Variants in JAKMIP1 observed in about 807,000 individuals in gnomAD.
The protein encoded by JAKMIP1 is janus kinase and microtubule-interacting protein 1.
Under a neutral mutation model 113.0 loss-of-function variants are expected in JAKMIP1, and 33 were observed. That is an observed-to-expected ratio of 0.29 (90% CI 0.22 to 0.39). The LOEUF (loss-of-function observed/expected upper bound fraction) is 0.39. Among genes scored for constraint, JAKMIP1 ranks in the 10% least tolerant of loss-of-function variants. The pLI, the probability that JAKMIP1 is intolerant of heterozygous loss-of-function variation, is 1.00. For synonymous variants in JAKMIP1, 480 were observed against 459.9 expected (o/e 1.04, Z -0.56); for missense variants, 813 against 1,080.5 (o/e 0.75, Z 3.47).
chr4:6,107,554 T>C (rs1384344145), intron 2 of JAKMIP1, among the ~76,000 whole-genome samples: 6 of 152,090 alleles, frequency 3.9e-5, no homozygotes, highest in East Asian at 1.9e-4. Flanking sequence ...ATCCAATCAG[T>C]CGAAGGCTTT....
At chr4:6,104,255 T>C (rs959047183) in intron 3 of JAKMIP1, among the ~76,000 whole-genome samples, 10 of 152,236 alleles carry the variant, frequency 6.6e-5, no homozygotes, top group African/African-American at 2.4e-4. Flanking sequence ...TTATTCATTC[T>C]TTGTCTGTGT....
chr4:6,102,895 C>CTG (rs1713306596), intron 3 of JAKMIP1, among the ~76,000 whole-genome samples: 2 of 151,586 alleles, frequency 1.3e-5, no homozygotes, highest in African/African-American at 4.8e-5. Context: ...CACTGCACCC[C>CTG]GCTAATTTTT....
chr4:6,081,778 A>G lies in JAKMIP1; in HGVS notation c.955-23T>C. The G allele has an allele frequency of 6.2e-7, 1 of 1,613,970 alleles. No individual in the cohort carries two copies. Among genetic ancestry groups the G allele is most frequent in the East Asian group, 2.2e-5 (1 of 44,882 alleles). ...CAGCTGTGGTTGGAAACAGACACAGAGGCTCAGACAACTTGACGACGGACG... is the reference window on the plus strand; with the variant it reads ...CAGCTGTGGTTGGAAACAGACACAGGGGCTCAGACAACTTGACGACGGACG... On this transcript the variant is annotated intron_variant, in intron 5 of 20. Transcript: ENST00000409021. This position sits in a 1 kb window ranked among gnomAD's most constrained non-coding sequence, Gnocchi z 4.6.
At chr4:6,125,576 C>T (rs1410062638) in intron 1 of JAKMIP1, among the ~76,000 whole-genome samples, 1 of 151,344 alleles carries the variant, frequency 6.6e-6, no homozygotes, top group African/African-American at 2.4e-5. Flanking sequence ...AACACACACA[C>T]ACACCATACA....
chr4:6,036,004 G>A lies in JAKMIP1; in HGVS notation c.2279C>T (p.Ala760Val), dbSNP rs1474244917. 6.4e-7 allele frequency: 1 copy of A among 1,551,980 alleles called. No homozygotes were observed. The highest frequency in any genetic ancestry group is 2.0e-5 in the Admixed American group (1 of 51,056). Residue 760 changes from alanine to valine, a missense_variant, in exon 19 of 21, where the codon GCT (alanine) becomes GTT (valine). Ala to Val is a moderately conservative substitution (Grantham distance 64). This residue lies in a region of JAKMIP1 where 273 missense variants were observed against 426.6 expected (regional missense o/e 0.64). Coordinates refer to ENST00000409021, the MANE Select transcript of JAKMIP1 (RefSeq NM_001099433.2). ...LSEGQREDLQ[A>V]AVEKVRRQIL... ...CTGCCTGCGCACCTTTTCCACAGCA[G>A]CCTGCAGGTCCTCCCGCTGGCCCTC...
intron 3 of JAKMIP1, among the ~76,000 whole-genome samples, chr4:6,101,991 T>C (rs1459136098): frequency 3.9e-5 from 6 of 151,976 alleles, no homozygotes; most frequent in Admixed American, 3.3e-4. Flanking sequence ...CTGATATCTA[T>C]ACTAAGTCTT....
rs1164027215 is a variant in JAKMIP1 at position 6,078,683 on chromosome 4, A to C, written c.1302+256T>G. Among the ~76,000 whole-genome samples the C allele has an allele frequency of 2.6e-5, 4 of 152,166 alleles. No individual in the cohort carries two copies. In the South Asian group the frequency reaches 8.3e-4, roughly 32 times the overall value. ...TATTTATGTTTTTAATTTTGGGTGAATATACCCTGAAGCCTAAGTGGAGAA... is the reference window on the plus strand; with the variant it reads ...TATTTATGTTTTTAATTTTGGGTGACTATACCCTGAAGCCTAAGTGGAGAA... On this transcript the variant is annotated intron_variant, in intron 8 of 20. Coordinates refer to ENST00000409021, the MANE Select transcript of JAKMIP1 (RefSeq NM_001099433.2).
rs181033507 is a variant in JAKMIP1 at position 6,119,493 on chromosome 4, G to A, written c.-147-6496C>T. 4.5e-3 allele frequency among the ~76,000 whole-genome samples: 685 copies of A among 151,980 alleles called. 5 individuals are homozygous for A. The highest frequency in any genetic ancestry group is 0.016 in the African/African-American group (655 of 41,434). ...CGGGAGGTGGAGGTTGCGGTGAGCC[G>A]AGATCACGCCATTGCACTCCAGCCT... is the stretch of plus-strand genomic sequence containing the variant. On this transcript the variant is annotated intron_variant, in intron 1 of 20. Coordinates refer to ENST00000409021, the MANE Select transcript of JAKMIP1 (RefSeq NM_001099433.2).
Position 6,049,769 on chromosome 4 carries a change from C to G in JAKMIP1, c.1962+50G>C, listed in dbSNP as rs770586326. The G allele has an allele frequency of 7.4e-7, 1 of 1,354,194 alleles. No homozygotes were observed. Among genetic ancestry groups the G allele is most frequent in the Non-Finnish European group, 1.1e-6 (1 of 944,784 alleles). The allele number at this position is 1,354,194 out of a possible 1,614,324, so 83.9% of individuals were successfully genotyped here. A position where few individuals can be genotyped will look rare whatever the true frequency, so the allele number is the denominator to read the frequency against. On this transcript the variant is annotated intron_variant, in intron 15 of 20. Transcript: ENST00000409021. The surrounding 1 kb of genome is among the most constrained non-coding windows in gnomAD (Gnocchi z 7.0). ...CAAAACAAAAGTCACACAGAATACA[C>G]CCAGATCAAAACAAGAACACGAAAG...
chr4:6,111,586 G>T (rs1714939155), intron 2 of JAKMIP1, among the ~76,000 whole-genome samples: 1 of 152,238 alleles, frequency 6.6e-6, no homozygotes, highest in African/African-American at 2.4e-5. Context: ...CAGATGAGAA[G>T]ACAGAGGTTT....
rs1169696489 is a variant in JAKMIP1 at position 6,067,641 on chromosome 4, CTGCACA to C, written c.1303-2639_1303-2634del. Among the ~76,000 whole-genome samples the C allele has an allele frequency of 1.4e-4, 21 of 146,958 alleles. No individual in the cohort carries two copies. Among genetic ancestry groups the C allele is most frequent in the African/African-American group, 4.1e-4 (16 of 39,342 alleles). On this transcript the variant is annotated intron_variant, in intron 8 of 20. Transcript: ENST00000409021. This position sits in a 1 kb window ranked among gnomAD's most constrained non-coding sequence, Gnocchi z 4.6. ...GAGCTCCAGGTTCACTCAAGCTCTT[CTGCACA>C]CACACACACAGGTCACCCCCTGAGC... is the stretch of plus-strand genomic sequence containing the variant.
chr4:6,113,010 G>C lies in JAKMIP1; in HGVS notation c.-147-13C>G, dbSNP rs570239443. 12 of 1,132,676 alleles carry C rather than the reference G, an allele frequency of 1.1e-5. No individual in the cohort carries two copies. Among genetic ancestry groups the C allele is most frequent in the African/African-American group, 3.1e-5 (2 of 63,688 alleles). The allele number at this position is 1,132,676 out of a possible 1,614,324, so 70.2% of individuals were successfully genotyped here. A position where few individuals can be genotyped will look rare whatever the true frequency, so the allele number is the denominator to read the frequency against. On this transcript the variant is annotated splice_polypyrimidine_tract_variant and intron_variant, in intron 1 of 20. Coordinates refer to ENST00000409021, the MANE Select transcript of JAKMIP1 (RefSeq NM_001099433.2). ...ATCACTTGGGATCCTGAAGGAAGGA[G>C]GGAAACTGAGTTAGCAGAGACAGAA... is the stretch of plus-strand genomic sequence containing the variant.
intron 3 of JAKMIP1, 32 bp downstream of exon 3, chr4:6,105,441 T>G (rs1713745036): frequency 1.3e-6 from 2 of 1,547,992 alleles, no homozygotes; most frequent in African/African-American, 2.7e-5. Flanking sequence ...GAAGGCCGCG[T>G]GCCCGCGGGC....
intron 1 of JAKMIP1, among the ~76,000 whole-genome samples, chr4:6,117,562 T>C (rs540734518): frequency 1.3e-5 from 2 of 152,258 alleles, no homozygotes; most frequent in Admixed American, 6.5e-5. Flanking sequence ...TTGGGCACCA[T>C]TGTCATTGAT....
chr4:6,153,585 G>A lies in JAKMIP1; in HGVS notation c.-147-40588C>T, dbSNP rs1380917944. On this transcript the variant is annotated intron_variant, in intron 1 of 20. Transcript: ENST00000409021. The surrounding 1 kb of genome is among the most constrained non-coding windows in gnomAD (Gnocchi z 4.9). ...TTGCGCTGTAAGAGGGTGCACCTCA[G>A]ACAGCCCTGACAATCTGGAGAGAGA... Among the ~76,000 whole-genome samples the A allele has an allele frequency of 2.6e-5, 4 of 152,210 alleles. No homozygotes were observed. The highest frequency in any genetic ancestry group is 5.9e-5 in the Non-Finnish European group (4 of 68,044).
rs79906179 is a variant in JAKMIP1 at position 6,041,486 on chromosome 4, G to A, written c.2097+673C>T. 6.9e-3 allele frequency among the ~76,000 whole-genome samples: 1,053 copies of A among 152,126 alleles called. 11 individuals are homozygous for A. Among genetic ancestry groups the A allele is most frequent in the African/African-American group, 0.024 (1,004 of 41,482 alleles). On this transcript the variant is annotated intron_variant, in intron 17 of 20. Coordinates refer to ENST00000409021, the MANE Select transcript of JAKMIP1 (RefSeq NM_001099433.2). Reference sequence around the variant, plus strand: ...ATTTCCATTTCTCCTTGGAGAACTCGAATTGGCCTTTGACTACTCAAGAAC... The same window carrying A: ...ATTTCCATTTCTCCTTGGAGAACTCAAATTGGCCTTTGACTACTCAAGAAC...
At chr4:6,152,044 G>C (rs115837410) in intron 1 of JAKMIP1, among the ~76,000 whole-genome samples, 2,901 of 151,774 alleles carry the variant, frequency 0.019, 51 homozygotes, top group Admixed American at 0.054. Context: ...TTGGAAAGGA[G>C]AAAGGAAGCA....
At position 6,178,811 on chromosome 4, in the gene JAKMIP1, C is replaced by G. The variant is rs1178534766; in HGVS notation, c.-148+21442G>C. Among the ~76,000 whole-genome samples the G allele has an allele frequency of 6.6e-6, 1 of 152,178 alleles. No individual in the cohort carries two copies. Among genetic ancestry groups the G allele is most frequent in the Non-Finnish European group, 1.5e-5 (1 of 68,028 alleles). On this transcript the variant is annotated intron_variant, in intron 1 of 20. Coordinates refer to ENST00000409021, the MANE Select transcript of JAKMIP1 (RefSeq NM_001099433.2). This position sits in a 1 kb window ranked among gnomAD's most constrained non-coding sequence, Gnocchi z 5.5. The stretch of plus-strand genomic sequence containing the variant: ...CAGAGAGGCTTCCACTGACCTCATC[C>G]CCACACAAACCTCCCCCATCTCCCA...
Position 6,042,517 on chromosome 4 carries a change from G to A in JAKMIP1, c.2029-290C>T, listed in dbSNP as rs1189783468. On this transcript the variant is annotated intron_variant, in intron 16 of 20. Transcript: ENST00000409021. This position sits in a 1 kb window ranked among gnomAD's most constrained non-coding sequence, Gnocchi z 5.2. ...GTGTGGGCGGCTGCGAGTGTGTGCA[G>A]CAGAGGAAGTGGTGTGGTATAGCTG... 6.6e-6 allele frequency among the ~76,000 whole-genome samples: 1 copy of A among 152,044 alleles called. No individual in the cohort carries two copies. The highest frequency in any genetic ancestry group is 1.5e-5 in the Non-Finnish European group (1 of 68,000).
Sources: gnomAD v4.1 joint callset for allele counts (sites outside exome capture counted in the v4.1 genomes callset) on GRCh38, gnomAD v4.1.1 for gene constraint, gnomAD v4.1.1 regional missense constraint, Gnocchi (gnomAD v3.1) non-coding constraint, MANE v1.5 for transcripts, NCBI Gene and HGNC (gene_info 2026-07-23, HGNC 2026-07-21) for gene names.